Variants in KIAA1328 observed in about 807,000 individuals in gnomAD.
KIAA1328 encodes KIAA1328, also known as protein hinderin.
In KIAA1328, 52 loss-of-function variants were observed where a neutral mutation model predicts 68.1. The observed-to-expected ratio is 0.76, with a 90% CI of 0.61 to 0.96. The LOEUF is 0.96. KIAA1328 is among the 40% of genes least tolerant of loss of function. The pLI, the probability that KIAA1328 is intolerant of heterozygous loss-of-function variation, is 0.00. For missense variants in KIAA1328, 641 were observed against 677.6 expected (o/e 0.95, Z 0.60); for synonymous variants, 232 against 239.4 (o/e 0.97, Z 0.28).
intron 6 of KIAA1328, among the ~76,000 whole-genome samples, chr18:36,971,379 A>T (rs1459392503): frequency 1.3e-5 from 2 of 152,134 alleles, no homozygotes; most frequent in Non-Finnish European, 2.9e-5. Context: ...TTCACGACAT[A>T]GGCACTTTGG....
intron 7 of KIAA1328, among the ~76,000 whole-genome samples, chr18:37,077,821 A>G (rs1303699922): frequency 2.0e-5 from 3 of 151,472 alleles, no homozygotes; most frequent in Non-Finnish European, 4.4e-5. Flanking sequence ...GCTCAATGAA[A>G]TAAAAGAGGA....
At chr18:37,010,054 A>G (rs1217898662) in intron 6 of KIAA1328, among the ~76,000 whole-genome samples, 1 of 152,224 alleles carries the variant, frequency 6.6e-6, no homozygotes, top group Non-Finnish European at 1.5e-5. Context: ...AAAGCGTATC[A>G]TGGAAAATAT....
At chr18:36,863,316 A>C (rs1474112831) in intron 4 of KIAA1328, among the ~76,000 whole-genome samples, 1 of 150,826 alleles carries the variant, frequency 6.6e-6, no homozygotes, top group East Asian at 1.9e-4. Context: ...TCTTTTTTGC[A>C]CTTTTGTCAG....
chr18:36,903,404 G>C (rs558016429), intron 5 of KIAA1328, among the ~76,000 whole-genome samples: 7 of 152,236 alleles, frequency 4.6e-5, no homozygotes, highest in African/African-American at 1.7e-4. Context: ...AATTGCGAAA[G>C]TTCTCTGCTC....
chr18:37,184,240 C>T (rs193178796), intron 9 of KIAA1328, among the ~76,000 whole-genome samples: 7 of 152,166 alleles, frequency 4.6e-5, no homozygotes, highest in African/African-American at 1.7e-4. Flanking sequence ...CTTTTATATC[C>T]CAGAACTTCC....
rs142778459 is a variant in KIAA1328, at chr18:37,067,254, G to A, written c.941G>A (p.Arg314His). 1.4e-4 allele frequency: 229 copies of A among 1,613,956 alleles called. No individual in the cohort carries two copies. In the African/African-American group the frequency reaches 1.9e-3, roughly 13 times the overall value. The change falls in exon 7 of 10, where the codon CGT becomes CAT. Residue 314 changes from arginine to histidine, a missense_variant. By Grantham distance (29) the Arg-to-His change is conservative. Coordinates refer to ENST00000280020, the MANE Select transcript of KIAA1328 (RefSeq NM_020776.3). The stretch of plus-strand genomic sequence containing the variant: ...TGTGGTCATAGACTTGCTGCAGATC[G>A]TGTTCATGACAGCCATCCTACAAAC... ...QCCGHRLAAD[R>H]VHDSHPTNMT...
At chr18:36,926,571 C>G (rs1389619616) in intron 5 of KIAA1328, among the ~76,000 whole-genome samples, 7 of 152,112 alleles carry the variant, frequency 4.6e-5, no homozygotes, top group African/African-American at 1.7e-4. Flanking sequence ...TTTTCCCTTT[C>G]CATACTCTAC....
At chr18:37,203,745 G>C (rs922886638) in intron 9 of KIAA1328, among the ~76,000 whole-genome samples, 5 of 152,108 alleles carry the variant, frequency 3.3e-5, no homozygotes, top group Non-Finnish European at 7.4e-5. Context: ...GCAGCTGTTG[G>C]CCTAGGTGCT....
At chr18:37,143,724 T>C (rs988027734) in intron 7 of KIAA1328, among the ~76,000 whole-genome samples, 15 of 152,064 alleles carry the variant, frequency 9.9e-5, no homozygotes, top group African/African-American at 3.4e-4. Flanking sequence ...ATTCCTAGTT[T>C]ACTGGGAGTT....
At chr18:37,127,306 A>G (rs1018491908) in intron 7 of KIAA1328, among the ~76,000 whole-genome samples, 1 of 152,234 alleles carries the variant, frequency 6.6e-6, no homozygotes, top group African/African-American at 2.4e-5. Flanking sequence ...GTTTTTTAAA[A>G]AACACACACG....
intron 9 of KIAA1328, among the ~76,000 whole-genome samples, chr18:37,200,608 G>A (rs1445918599): frequency 1.3e-5 from 2 of 151,364 alleles, no homozygotes; most frequent in African/African-American, 2.4e-5. Context: ...TCAGGAGATC[G>A]AGACCATCCT....
intron 7 of KIAA1328, among the ~76,000 whole-genome samples, chr18:37,137,846 C>T (rs2058678578): frequency 6.6e-6 from 1 of 152,118 alleles, no homozygotes; most frequent in South Asian, 2.1e-4. Flanking sequence ...TATCTCAGGT[C>T]CCAGCTTTTC....
intron 7 of KIAA1328, among the ~76,000 whole-genome samples, chr18:37,091,721 C>T (rs1599231566): frequency 6.6e-6 from 1 of 152,304 alleles, no homozygotes; most frequent in Non-Finnish European, 1.5e-5. Context: ...CCCTCCACAT[C>T]TTTCTAGAGG....
At chr18:36,909,684 G>C (rs763522319) in intron 5 of KIAA1328, among the ~76,000 whole-genome samples, 2 of 152,132 alleles carry the variant, frequency 1.3e-5, no homozygotes, top group Non-Finnish European at 2.9e-5. Context: ...GATATTTCTA[G>C]TTCTAGATCC....
At chr18:37,168,517 T>C (rs1405846510) in intron 8 of KIAA1328, among the ~76,000 whole-genome samples, 1 of 152,222 alleles carries the variant, frequency 6.6e-6, no homozygotes, top group Non-Finnish European at 1.5e-5. Context: ...AATGGAATAC[T>C]ACTTAGCAAA....
intron 9 of KIAA1328, among the ~76,000 whole-genome samples, chr18:37,175,984 T>C (rs1268857360): frequency 3.9e-5 from 6 of 152,196 alleles, no homozygotes; most frequent in African/African-American, 1.4e-4. Flanking sequence ...AAAACAGGTG[T>C]GGCAGAGTCA....
At chr18:36,986,178 C>A (rs1429241040) in intron 6 of KIAA1328, among the ~76,000 whole-genome samples, 4 of 150,696 alleles carry the variant, frequency 2.7e-5, no homozygotes, top group African/African-American at 7.3e-5. Flanking sequence ...TTTTTTATAA[C>A]CTCAAATTAA....
chr18:37,141,671 A>G (rs558690373), intron 7 of KIAA1328, among the ~76,000 whole-genome samples: 152 of 152,330 alleles, frequency 1.0e-3, no homozygotes, highest in South Asian at 2.7e-3. Context: ...TGAAACTGCC[A>G]AACTGTTTTC....
At chr18:37,114,208 T>C (rs9957959) in intron 7 of KIAA1328, among the ~76,000 whole-genome samples, 3,547 of 152,256 alleles carry the variant, frequency 0.023, 133 homozygotes, top group African/African-American at 0.081. Context: ...GACTATACAT[T>C]CTTCTCAGCA....
Sources: allele counts gnomAD v4.1 joint callset (sites outside exome capture counted in the v4.1 genomes callset), GRCh38; gene constraint gnomAD v4.1.1; transcripts MANE v1.5; gene names NCBI Gene and HGNC (gene_info 2026-07-23, HGNC 2026-07-21).